DLGAP5: variants seen among roughly 807,000 people sequenced by gnomAD.
DLGAP5 encodes the protein disks large-associated protein 5.
Under a neutral mutation model 99.6 loss-of-function variants are expected in DLGAP5, and 90 were observed. That is an observed-to-expected ratio of 0.90 (90% confidence interval 0.76 to 1.08). The LOEUF (loss-of-function observed/expected upper bound fraction) is 1.08. Among genes scored for constraint, DLGAP5 ranks in the 50% least tolerant of loss-of-function variants. DLGAP5 has a pLI of 0.00. For synonymous variants in DLGAP5, 311 were observed against 321.3 expected (o/e 0.97, Z 0.34); for missense variants, 1,036 against 983.5 (o/e 1.05, Z -0.71).
rs2139530205 is a variant in DLGAP5 at position 55,183,698 on chromosome 14, T to G, written c.294A>C (p.Lys98Asn). Residue 98 changes from lysine (K) to asparagine (N), a missense_variant, in exon 3 of 19, where the codon AAA becomes AAC. Physicochemically the swap from Lys to Asn is moderately conservative, Grantham distance 94. Transcript: ENST00000247191. Reference sequence around the variant, plus strand: ...TCAATTTTTGAAGTTGCTTTTCTTCTTTGTATTTTTGGAGCATCTGTTTTC... The same window carrying G: ...TCAATTTTTGAAGTTGCTTTTCTTCGTTGTATTTTTGGAGCATCTGTTTTC... ...DQRKQMLQKY[K>N]EEKQLQKLKE... 6.2e-7 allele frequency: 1 copy of G among 1,609,664 alleles called. No individual in the cohort carries two copies. Among genetic ancestry groups the G allele is most frequent in the South Asian group, 1.1e-5 (1 of 89,960 alleles).
At chr14:55,170,264 T>C (rs1268042363) in intron 11 of DLGAP5, among the ~76,000 whole-genome samples, 1 of 151,900 alleles carries the variant, frequency 6.6e-6, no homozygotes, top group Non-Finnish European at 1.5e-5. Context: ...CCCAAATAAA[T>C]CAGATTAAGA....
At chr14:55,181,574 T>TA (rs1883278099) in intron 4 of DLGAP5, among the ~76,000 whole-genome samples, 1 of 152,178 alleles carries the variant, frequency 6.6e-6, no homozygotes, top group South Asian at 2.1e-4. Flanking sequence ...TGAAGGTCCT[T>TA]AAACACTCCT....
chr14:55,172,256 G>A (rs1594675114), intron 10 of DLGAP5, among the ~76,000 whole-genome samples: 2 of 150,992 alleles, frequency 1.3e-5, no homozygotes, highest in Non-Finnish European at 2.9e-5. Context: ...GTGAGGCTGA[G>A]GCAGGCAGAT....
intron 4 of DLGAP5, 110 bp from the exon 5 acceptor site, chr14:55,181,407 C>A: frequency 2.7e-6 from 2 of 750,120 alleles, no homozygotes; most frequent in East Asian, 3.1e-5. Context: ...CGTAAATGAC[C>A]CAACAACAAC....
In DLGAP5 at chr14:55,154,722, T is replaced by G. The variant is rs1882144989; in HGVS notation, c.1958A>C (p.Glu653Ala). ...VNKAVSQSRN[E>A]MGIPQQTTSP... ...TGTAGTTTGTTGTGGAATGCCCATCTCATTTCTACTCTGAGATACAGCTTT... is the reference window on the plus strand; with the variant it reads ...TGTAGTTTGTTGTGGAATGCCCATCGCATTTCTACTCTGAGATACAGCTTT... The change falls in exon 15 of 19, where the codon GAG (glutamate) becomes GCG (alanine). Residue 653 changes from glutamate (E) to alanine (A), a missense_variant. Transcript: ENST00000247191. 6.2e-7 allele frequency: 1 copy of G among 1,614,066 alleles called. No individual in the cohort carries two copies. Among genetic ancestry groups the G allele is most frequent in the Non-Finnish European group, 8.5e-7 (1 of 1,180,020 alleles).
At position 55,169,730 on chromosome 14, in the gene DLGAP5, T is replaced by C. The variant is rs148756148; in HGVS notation, c.1388-171A>G. 4.8e-3 allele frequency among the ~76,000 whole-genome samples: 736 copies of C among 152,364 alleles called. 2 individuals are homozygous for C. Among genetic ancestry groups the C allele is most frequent in the South Asian group, 9.5e-3 (46 of 4,828 alleles). ...CATACAAATACTGAGTACTAACTAT[T>C]TGCTTCAATTCCTGCTCAAAATTAA... On this transcript the variant is annotated intron_variant, in intron 11 of 18. Transcript: ENST00000247191.
At chr14:55,190,570 AGG>A (rs1318559495) in intron 1 of DLGAP5, among the ~76,000 whole-genome samples, 1 of 152,188 alleles carries the variant, frequency 6.6e-6, no homozygotes, top group African/African-American at 2.4e-5. Context: ...GGTAAGGGGG[AGG>A]CTCTGTGATA....
In DLGAP5 at chr14:55,152,689, G is replaced by A. The variant is rs189063055; in HGVS notation, c.2064-42C>T. ...GCAGCATTACACTCATAAACATATTGTTATTGTTTCACTTGTATTTTGAGT... is the reference window on the plus strand; with the variant it reads ...GCAGCATTACACTCATAAACATATTATTATTGTTTCACTTGTATTTTGAGT... On this transcript the variant is annotated intron_variant, in intron 15 of 18. Coordinates refer to ENST00000247191, the MANE Select transcript of DLGAP5 (RefSeq NM_014750.5). The A allele has an allele frequency of 2.0e-6, 3 of 1,486,878 alleles. No individual in the cohort carries two copies. In the African/African-American group the frequency reaches 4.2e-5, roughly 21 times the overall value. 92.1% of individuals were successfully genotyped at this position (1,486,878 alleles called of 1,614,324 possible).
intron 12 of DLGAP5, among the ~76,000 whole-genome samples, chr14:55,164,344 T>A (rs1197108390): frequency 6.6e-6 from 1 of 152,044 alleles, no homozygotes; most frequent in African/African-American, 2.4e-5. Flanking sequence ...GACTCAGAAT[T>A]ACACTCATGA....
chr14:55,190,070 G>A (rs1428979127), intron 1 of DLGAP5, among the ~76,000 whole-genome samples: 1 of 152,186 alleles, frequency 6.6e-6, no homozygotes, highest in Non-Finnish European at 1.5e-5. Flanking sequence ...CCAGAAAACA[G>A]AACAAGACCA....
chr14:55,175,751 A>G (rs1242721887), intron 9 of DLGAP5, 143 bp downstream of exon 9: 3 of 724,594 alleles, frequency 4.1e-6, no homozygotes, highest in African/African-American at 1.8e-5. Flanking sequence ...CACATCCCCA[A>G]ATGATATGGT....
intron 12 of DLGAP5, among the ~76,000 whole-genome samples, chr14:55,169,175 C>CAAAAAAA (rs34906311): frequency 1.6e-5 from 1 of 63,900 alleles, no homozygotes; most frequent in Admixed American, 1.7e-4. Context: ...GACTCCGTCT[C>CAAAAAAA]AAAAAAAAAA....
At chr14:55,181,163 T>C (rs1883258822) in intron 5 of DLGAP5, 50 bp downstream of exon 5, 3 of 1,536,956 alleles carry the variant, frequency 2.0e-6, no homozygotes, top group South Asian at 2.3e-5. Context: ...TAAAAAAAAT[T>C]ATGGCTGTGG....
Position 55,189,150 on chromosome 14 carries a change from G to C in DLGAP5, c.30C>G (p.His10Gln). Residue 10 changes from histidine to glutamine, a missense_variant, in exon 2 of 19, where the codon CAC becomes CAG. Transcript: ENST00000247191. MSSSHFASR[H>Q]RKDISTEMIR... ...TCATTTCAGTACTTATATCCTTCCT[G>C]TGTCGACTGGCAAAATGTGATGAAG... 1 of 1,613,274 alleles carries C rather than the reference G, an allele frequency of 6.2e-7. No individual in the cohort carries two copies. Among genetic ancestry groups the C allele is most frequent in the African/African-American group, 1.3e-5 (1 of 75,010 alleles).
chr14:55,166,788 CTG>C (rs201605337), intron 12 of DLGAP5, among the ~76,000 whole-genome samples: 1,565 of 151,510 alleles, frequency 0.01, 29 homozygotes, highest in African/African-American at 0.037. Context: ...TTGCATAACT[CTG>C]TAAATTTACT....
At chr14:55,154,861 T>C in intron 14 of DLGAP5, 55 bp from the exon 15 acceptor site, 1 of 1,467,260 alleles carries the variant, frequency 6.8e-7, no homozygotes. Flanking sequence ...CTTTTCATTA[T>C]AACTAGGAAT....
intron 8 of DLGAP5, 123 bp from the exon 9 acceptor site, chr14:55,176,141 A>G: frequency 1.2e-6 from 1 of 855,744 alleles, no homozygotes; most frequent in Non-Finnish European, 1.7e-6. Flanking sequence ...TTTTTTTAAA[A>G]TGTGTATTCT....
In DLGAP5 at chr14:55,167,788, A is replaced by C. The variant is rs138455458; in HGVS notation, c.1548+1611T>G. Among the ~76,000 whole-genome samples, 1,070 of 152,310 alleles carry C rather than the reference A, an allele frequency of 7.0e-3. 13 individuals are homozygous for C. The highest frequency in any genetic ancestry group is 0.024 in the African/African-American group (1,013 of 41,564). The stretch of plus-strand genomic sequence containing the variant: ...CTCAGAATTTTCAGAGTATTGTTCT[A>C]GTTCATAATATTGCTGTTGAGAGAT... On this transcript the variant is annotated intron_variant, in intron 12 of 18. Coordinates refer to ENST00000247191, the MANE Select transcript of DLGAP5 (RefSeq NM_014750.5).
chr14:55,163,581 T>G (rs150890320), intron 12 of DLGAP5, among the ~76,000 whole-genome samples: 1 of 152,300 alleles, frequency 6.6e-6, no homozygotes, highest in Non-Finnish European at 1.5e-5. Context: ...TATGTTTAGT[T>G]TTGCGAGTGA....
Sources: gnomAD v4.1 joint callset for allele counts (sites outside exome capture counted in the v4.1 genomes callset) on GRCh38, gnomAD v4.1.1 for gene constraint, MANE v1.5 for transcripts, NCBI Gene and HGNC (gene_info 2026-07-23, HGNC 2026-07-21) for gene names.